The following AACS variants were observed in gnomAD, a reference collection of about 807,000 sequenced individuals.
AACS encodes the protein acetoacetyl-CoA synthetase, also known as acetoacetate-CoA ligase.
A neutral mutation model predicts 83.1 loss-of-function variants in AACS; 69 were observed. The observed-to-expected ratio is 0.83, with a 90% CI of 0.68 to 1.01. The LOEUF (loss-of-function observed/expected upper bound fraction) is 1.01, where lower values mean the gene tolerates loss of function less well. Ranked by LOEUF, AACS falls within the 50% of genes least tolerant of loss-of-function variation. The probability of loss-of-function intolerance (pLI) is 0.00; values close to 1 mark genes in which losing one functional copy is unlikely to be tolerated. For missense variants in AACS, 866 were observed against 882.2 expected (o/e 0.98, Z 0.23); for synonymous variants, 333 against 343.4 (o/e 0.97, Z 0.33).
chr12:125,065,634 T>A lies in AACS; in HGVS notation c.50T>A (p.Val17Glu), dbSNP rs768021320. 2 of 1,537,002 alleles carry A rather than the reference T, an allele frequency of 1.3e-6. No homozygotes were observed. Among genetic ancestry groups the A allele is most frequent in the Non-Finnish European group, 1.8e-6 (2 of 1,139,678 alleles). ...CGGGAGGAGATCCTGGAGTGCCAGG[T>A]GATGTGGGAGCCTGACAGTAAGAAG... is the stretch of plus-strand genomic sequence containing the variant. ...PGREEILECQVMWEPDSKKNT... is the reference protein window; with the variant it reads ...PGREEILECQEMWEPDSKKNT... Residue 17 changes from valine to glutamate, a missense_variant, in exon 1 of 18, where the codon GTG becomes GAG. Physicochemically the swap from Val to Glu is moderately radical, Grantham distance 121 (BLOSUM62 -2). Coordinates refer to ENST00000316519, the MANE Select transcript of AACS (RefSeq NM_023928.5).
chr12:125,091,312 G>A (rs1956480079), intron 4 of AACS, 114 bp from the exon 5 acceptor site: 1 of 1,064,700 alleles, frequency 9.4e-7, no homozygotes, highest in South Asian at 1.4e-5. Context: ...TCCTCAGGCA[G>A]TTCAAGGCCA....
rs1455869703 is a variant in AACS at position 125,133,854 on chromosome 12, A to G, written c.1550-149A>G. On this transcript the variant is annotated intron_variant, in intron 14 of 17. Coordinates refer to ENST00000316519, the MANE Select transcript of AACS (RefSeq NM_023928.5). ...AGAGGGCATGTTCCTTGGGGCAGGA[A>G]CTGTCTGGCTCCCTCTGGCCCCCAG... 4.1e-6 allele frequency: 3 copies of G among 731,586 alleles called. No individual in the cohort carries two copies. In the East Asian group the frequency reaches 8.1e-5, roughly 20 times the overall value. The allele number at this position is 731,586 out of a possible 1,614,324, so 45.3% of individuals were successfully genotyped here. A position where few individuals can be genotyped will look rare whatever the true frequency, so the allele number is the denominator to read the frequency against.
rs750888315 is a variant in AACS at position 125,130,203 on chromosome 12, C to T, written c.1549+743C>T. 2.6e-5 allele frequency among the ~76,000 whole-genome samples: 4 copies of T among 152,332 alleles called. No individual in the cohort carries two copies. The highest frequency in any genetic ancestry group is 7.2e-5 in the African/African-American group (3 of 41,588). On this transcript the variant is annotated intron_variant, in intron 14 of 17. Transcript: ENST00000316519. This position sits in a 1 kb window ranked among gnomAD's most constrained non-coding sequence, Gnocchi z 4.9. ...AGACCACGTATGGAGAATCAGAAAG[C>T]GGTAAGTGGTAGGATTTGCCAGGTA...
At position 125,129,593 on chromosome 12, in the gene AACS, T is replaced by G; in HGVS notation, c.1549+133T>G. ...GCTTGGAGAAGCTGCTTATAGTTCATTCCGCCAGTGGGGGGATAATGAATT... is the reference window on the plus strand; with the variant it reads ...GCTTGGAGAAGCTGCTTATAGTTCAGTCCGCCAGTGGGGGGATAATGAATT... On this transcript the variant is annotated intron_variant, in intron 14 of 17. Coordinates refer to ENST00000316519, the MANE Select transcript of AACS (RefSeq NM_023928.5). The surrounding 1 kb of genome is among the most constrained non-coding windows in gnomAD (Gnocchi z 4.3). 1 of 1,161,496 alleles carries G rather than the reference T, an allele frequency of 8.6e-7. No homozygotes were observed. The highest frequency in any genetic ancestry group is 1.2e-6 in the Non-Finnish European group (1 of 830,948). 71.9% of individuals were successfully genotyped at this position (1,161,496 alleles called of 1,614,324 possible). A position where few individuals can be genotyped will look rare whatever the true frequency, so the allele number is the denominator to read the frequency against.
At chr12:125,122,140 G>A (rs1173325381) in intron 10 of AACS, 1 of 152,388 alleles carries the variant, frequency 6.6e-6, no homozygotes, top group East Asian at 1.9e-4. Flanking sequence ...GAGGAGATGG[G>A]CCTAAGATCC....
chr12:125,095,981 C>A (rs113999072), intron 5 of AACS, among the ~76,000 whole-genome samples: 2,262 of 152,166 alleles, frequency 0.015, 63 homozygotes, highest in African/African-American at 0.052. Context: ...CTCTTTTTTT[C>A]TGAGACGGAG....
chr12:125,076,073 C>T (rs1300695046), intron 2 of AACS, among the ~76,000 whole-genome samples: 2 of 152,120 alleles, frequency 1.3e-5, no homozygotes, highest in Admixed American at 6.6e-5. Flanking sequence ...ATCAAGGTTC[C>T]AGCACTCCAA....
In AACS at chr12:125,128,197, A is replaced by T. The variant is rs548348280; in HGVS notation, c.1346A>T (p.Asn449Ile). 24 of 1,612,380 alleles carry T rather than the reference A, an allele frequency of 1.5e-5. No individual in the cohort carries two copies. Among genetic ancestry groups the T allele is most frequent in the South Asian group, 3.3e-5 (3 of 90,870 alleles). Residue 449 changes from asparagine to isoleucine, a missense_variant, in exon 13 of 18, where the codon AAT becomes ATT. Asn to Ile is a moderately radical substitution (Grantham distance 149). Transcript: ENST00000316519. ...ATCATCTCCTGCTTCATGGGCCACA[A>T]TTTTTCTCTTCCTGTGTATAAAGGG... is the stretch of plus-strand genomic sequence containing the variant. ...TDIISCFMGH[N>I]FSLPVYKGEI...
In AACS at chr12:125,140,711, TG is replaced by T. The variant is rs1475723651; in HGVS notation, c.1882-1379del. 1.3e-5 allele frequency: 2 copies of T among 152,336 alleles called. No individual in the cohort carries two copies. Among genetic ancestry groups the T allele is most frequent in the Admixed American group, 1.3e-4 (2 of 15,310 alleles). The allele number at this position is 152,336 out of a possible 1,614,324, so 9.4% of individuals were successfully genotyped here. ...ACACCAACACTGCCAAGGGCTCTTCTGGATTCAAGGTGAAACACATGTGCCA... is the reference window on the plus strand; with the variant it reads ...ACACCAACACTGCCAAGGGCTCTTCTGATTCAAGGTGAAACACATGTGCCA... On this transcript the variant is annotated intron_variant, in intron 17 of 17. Transcript: ENST00000316519. The surrounding 1 kb of genome is among the most constrained non-coding windows in gnomAD (Gnocchi z 5.1).
rs1957302651 is a variant in AACS, at chr12:125,129,708, C to A, written c.1549+248C>A. Among the ~76,000 whole-genome samples the A allele has an allele frequency of 6.6e-6, 1 of 152,226 alleles. No homozygotes were observed. The highest frequency in any genetic ancestry group is 2.4e-5 in the African/African-American group (1 of 41,456). On this transcript the variant is annotated intron_variant, in intron 14 of 17. Transcript: ENST00000316519. This position sits in a 1 kb window ranked among gnomAD's most constrained non-coding sequence, Gnocchi z 4.3. ...GAATCTCAGCCACCTCTGCCCAGAG[C>A]CTCTTGGCCCCAGCCCCTGCTGCTG...
At chr12:125,107,443 G>C (rs1956860192) in intron 8 of AACS, among the ~76,000 whole-genome samples, 175 bp downstream of exon 8, 1 of 152,230 alleles carries the variant, frequency 6.6e-6, no homozygotes, top group African/African-American at 2.4e-5. Context: ...CTGGGCCCAG[G>C]GCAGTGGAGT....
chr12:125,076,319 C>G (rs970783967), intron 2 of AACS, among the ~76,000 whole-genome samples, 172 bp from the exon 3 acceptor site: 1 of 152,152 alleles, frequency 6.6e-6, no homozygotes, highest in Non-Finnish European at 1.5e-5. Context: ...AGCTTTTAGG[C>G]CAGTTCAGAG....
chr12:125,098,362 C>G (rs967187072), intron 5 of AACS, among the ~76,000 whole-genome samples: 5 of 151,526 alleles, frequency 3.3e-5, no homozygotes, highest in Admixed American at 1.3e-4. Flanking sequence ...CTACTGTACT[C>G]TAGCCTGGGT....
At chr12:125,093,993 G>T (rs992596238) in intron 5 of AACS, among the ~76,000 whole-genome samples, 5 of 152,168 alleles carry the variant, frequency 3.3e-5, no homozygotes, top group African/African-American at 4.8e-5. Flanking sequence ...CAGACACCTG[G>T]ACACCCGCTG....
At chr12:125,141,994 A>G in intron 17 of AACS, 98 bp from the exon 18 acceptor site, 2 of 1,497,710 alleles carry the variant, frequency 1.3e-6, no homozygotes, top group Non-Finnish European at 9.1e-7. Context: ...TTGGCACTCC[A>G]GGTGGAGCTG....
intron 1 of AACS, among the ~76,000 whole-genome samples, chr12:125,069,062 C>T (rs1280202426): frequency 1.5e-4 from 23 of 152,104 alleles, no homozygotes; most frequent in Admixed American, 1.1e-3. Context: ...AGGCTGGTCT[C>T]GAACTCCTGA....
intron 3 of AACS, among the ~76,000 whole-genome samples, chr12:125,077,144 G>T (rs1345907456): frequency 1.3e-5 from 2 of 150,378 alleles, no homozygotes; most frequent in Non-Finnish European, 3.0e-5. Context: ...TTGAAATCTT[G>T]GGCTCAAGCA....
At chr12:125,076,321 A>G (rs982628653) in intron 2 of AACS, among the ~76,000 whole-genome samples, 170 bp from the exon 3 acceptor site, 14 of 152,224 alleles carry the variant, frequency 9.2e-5, no homozygotes, top group African/African-American at 3.4e-4. Flanking sequence ...CTTTTAGGCC[A>G]GTTCAGAGTT....
chr12:125,091,325 C>G, intron 4 of AACS, 101 bp from the exon 5 acceptor site: 1 of 1,202,808 alleles, frequency 8.3e-7, no homozygotes, highest in Non-Finnish European at 1.2e-6. Context: ...CAAGGCCAGC[C>G]CCCTTCCCAC....
Sources: allele counts gnomAD v4.1 joint callset (sites outside exome capture counted in the v4.1 genomes callset), GRCh38; gene constraint gnomAD v4.1.1; non-coding constraint Gnocchi (gnomAD v3.1); transcripts MANE v1.5; gene names NCBI Gene and HGNC (gene_info 2026-07-23, HGNC 2026-07-21).